UROC1: variants seen among roughly 807,000 people sequenced by gnomAD.
UROC1 encodes the protein urocanate hydratase 1.
Under a neutral mutation model 89.5 loss-of-function variants are expected in UROC1, and 79 were observed. The observed-to-expected ratio is 0.88, with a 90% CI of 0.74 to 1.06. The LOEUF is 1.06. Ranked by LOEUF, UROC1 falls within the 50% of genes least tolerant of loss-of-function variation. The pLI, the probability that UROC1 is intolerant of heterozygous loss-of-function variation, is 0.00. For synonymous variants in UROC1, 361 were observed against 354.8 expected (o/e 1.02, Z -0.20); for missense variants, 885 against 907.8 (o/e 0.97, Z 0.32).
At chr3:126,499,492 A>G (rs552904477) in intron 12 of UROC1, 83 bp from the exon 13 acceptor site, 224 of 1,365,766 alleles carry the variant, frequency 1.6e-4, no homozygotes, top group Middle Eastern at 3.5e-4. Context: ...CAGGGCCCAG[A>G]GGGAGGCTGG....
intron 9 of UROC1, among the ~76,000 whole-genome samples, chr3:126,503,494 C>G (rs1278252086): frequency 2.0e-5 from 3 of 152,244 alleles, no homozygotes; most frequent in Admixed American, 6.5e-5. Context: ...AACCCACCGA[C>G]TGCCCCTCAG....
At chr3:126,504,823 C>G (rs1296613237) in intron 8 of UROC1, among the ~76,000 whole-genome samples, 1 of 152,136 alleles carries the variant, frequency 6.6e-6, no homozygotes, top group African/African-American at 2.4e-5. Context: ...TTAGCACCCA[C>G]CAAAGAAAGA....
intron 1 of UROC1, among the ~76,000 whole-genome samples, chr3:126,512,936 G>A (rs1008781000): frequency 6.6e-6 from 1 of 152,180 alleles, no homozygotes; most frequent in Non-Finnish European, 1.5e-5. Flanking sequence ...GGAACTGCAG[G>A]AGAATAAATA....
chr3:126,501,365 G>A (rs1935919980), intron 9 of UROC1, 85 bp from the exon 10 acceptor site: 2 of 1,541,340 alleles, frequency 1.3e-6, no homozygotes, highest in Middle Eastern at 1.7e-4. Context: ...CTGCACACAG[G>A]GGCAGACCCA....
At chr3:126,515,312 T>C (rs1334766397) in intron 1 of UROC1, among the ~76,000 whole-genome samples, 6 of 151,826 alleles carry the variant, frequency 4.0e-5, no homozygotes, top group Non-Finnish European at 7.4e-5. Flanking sequence ...AACTGGGAGA[T>C]GGGCCAAGGG....
intron 15 of UROC1, among the ~76,000 whole-genome samples, chr3:126,495,641 T>G (rs1005479197): frequency 3.9e-5 from 6 of 152,238 alleles, no homozygotes; most frequent in African/African-American, 1.4e-4. Context: ...GAGTCCTTGC[T>G]TCCAATTTTT....
rs145948028 is a variant in UROC1 at position 126,507,778 on chromosome 3, G to A, written c.566C>T (p.Thr189Met). 445 of 1,614,136 alleles carry A rather than the reference G, an allele frequency of 2.8e-4. 2 individuals are homozygous for A. In the African/African-American group the frequency reaches 4.4e-3, roughly 16 times the overall value. The change falls in exon 6 of 20, where the codon ACG becomes ATG. Residue 189 changes from threonine (T) to methionine (M), a missense_variant. By Grantham distance (81) the Thr-to-Met change is moderately conservative. Transcript: ENST00000290868. ...GMVIPNYSSRTEYEKLFALGV... is the reference protein window; with the variant it reads ...GMVIPNYSSRMEYEKLFALGV... ...CAAGGCAAAGAGCTTCTCATACTCC[G>A]TCCGGGAGGAGTAGTTGGGAATGAC...
intron 1 of UROC1, among the ~76,000 whole-genome samples, chr3:126,515,581 C>G (rs1480205064): frequency 4.2e-5 from 5 of 119,070 alleles, no homozygotes; most frequent in Admixed American, 2.4e-4. Flanking sequence ...CCAGCACCCA[C>G]CACCTACCCT....
intron 13 of UROC1, among the ~76,000 whole-genome samples, chr3:126,498,735 G>A (rs1935842054): frequency 6.6e-6 from 1 of 152,174 alleles, no homozygotes; most frequent in Non-Finnish European, 1.5e-5. Flanking sequence ...GAGCTTGACA[G>A]TAAGTGGCAT....
At position 126,510,760 on chromosome 3, in the gene UROC1, G is replaced by T. The variant is rs758085216; in HGVS notation, c.161C>A (p.Pro54Gln). The change falls in exon 2 of 20, where the codon CCG (proline) becomes CAG (glutamine). Residue 54 changes from proline (P) to glutamine (Q), a missense_variant. By Grantham distance (76) the Pro-to-Gln change is moderately conservative. Coordinates refer to ENST00000290868, the MANE Select transcript of UROC1 (RefSeq NM_144639.3). ...ALRNALRYFP[P>Q]DVQELLAPEF... Reference sequence around the variant, plus strand: ...TGGGGCCAGCAGCTCCTGGACATCCGGGGGGAAGTAGCGCAGGGCGTTCCT... The same window carrying T: ...TGGGGCCAGCAGCTCCTGGACATCCTGGGGGAAGTAGCGCAGGGCGTTCCT... 4 of 1,613,610 alleles carry T rather than the reference G, an allele frequency of 2.5e-6. No individual in the cohort carries two copies. The highest frequency in any genetic ancestry group is 2.2e-5 in the East Asian group (1 of 44,886).
chr3:126,482,127 G>T lies in UROC1; in HGVS notation c.*218C>A. On this transcript the variant is annotated 3_prime_UTR_variant, in exon 20 of 20. Transcript: ENST00000290868. ...CAGCCTTCAGGGCTCCCATGCAAGTGGCATGGTTGTGGACAGAGAGCTGCA... is the reference window on the plus strand; with the variant it reads ...CAGCCTTCAGGGCTCCCATGCAAGTTGCATGGTTGTGGACAGAGAGCTGCA... 5 of 646,662 alleles carry T rather than the reference G, an allele frequency of 7.7e-6. No individual in the cohort carries two copies. In the South Asian group the frequency reaches 7.8e-5, roughly 10 times the overall value. 40.1% of individuals were successfully genotyped at this position (646,662 alleles called of 1,614,324 possible).
intron 17 of UROC1, among the ~76,000 whole-genome samples, chr3:126,488,584 T>C (rs1186968802): frequency 6.6e-6 from 1 of 152,170 alleles, no homozygotes; most frequent in Non-Finnish European, 1.5e-5. Flanking sequence ...ACAGTGTTAG[T>C]TCAGAGAAGT....
chr3:126,504,542 A>C (rs1454439074), intron 8 of UROC1, among the ~76,000 whole-genome samples: 1 of 152,206 alleles, frequency 6.6e-6, no homozygotes, highest in Non-Finnish European at 1.5e-5. Context: ...TTGTTTCTAC[A>C]AGGGAAGCCC....
At position 126,482,471 on chromosome 3, in the gene UROC1, G is replaced by A; in HGVS notation, c.1905C>T (p.Cys635=). ...CATAGGCCTTCTGGTTCCCTGACCAGCAGCGCCGGGCCACCTAGGGCAAGG... is the reference window on the plus strand; with the variant it reads ...CATAGGCCTTCTGGTTCCCTGACCAACAGCGCCGGGCCACCTAGGGCAAGG... ...WDVSNGVARR[C]WSGNQKAYEI... is the part of the protein sequence containing the mutation. Residue 635 remains cysteine, a synonymous_variant, in exon 20 of 20, where the codon TGC becomes TGT. Transcript: ENST00000290868. 1 of 1,613,974 alleles carries A rather than the reference G, an allele frequency of 6.2e-7. No homozygotes were observed. Among genetic ancestry groups the A allele is most frequent in the Non-Finnish European group, 8.5e-7 (1 of 1,180,000 alleles).
At chr3:126,495,920 C>T in intron 15 of UROC1, 118 bp downstream of exon 15, 1 of 1,002,238 alleles carries the variant, frequency 1.0e-6, no homozygotes, top group South Asian at 1.4e-5. Context: ...TGCACCCTCT[C>T]AGGGCTTGGC....
chr3:126,495,151 C>T (rs933711368), intron 15 of UROC1, among the ~76,000 whole-genome samples: 3 of 152,198 alleles, frequency 2.0e-5, no homozygotes, highest in Non-Finnish European at 2.9e-5. Context: ...CAACTCTAGT[C>T]GCTGCCCCAG....
intron 15 of UROC1, among the ~76,000 whole-genome samples, chr3:126,493,058 C>T (rs988711701): frequency 1.3e-5 from 2 of 152,168 alleles, no homozygotes; most frequent in Admixed American, 1.3e-4. Flanking sequence ...TGACCTTGGG[C>T]CCTCTGTCTG....
intron 6 of UROC1, among the ~76,000 whole-genome samples, chr3:126,507,177 G>A (rs946572050): frequency 1.3e-5 from 2 of 152,154 alleles, no homozygotes; most frequent in African/African-American, 4.8e-5. Flanking sequence ...CTGGGGCACT[G>A]GCCGCATTCT....
chr3:126,497,968 G>A, intron 14 of UROC1, 83 bp downstream of exon 14: 2 of 1,608,036 alleles, frequency 1.2e-6, no homozygotes, highest in Non-Finnish European at 8.5e-7. Flanking sequence ...AGCTAGGTGG[G>A]CCTGCTATAG....
Sources: gnomAD v4.1 joint callset for allele counts (sites outside exome capture counted in the v4.1 genomes callset) on GRCh38, gnomAD v4.1.1 for gene constraint, MANE v1.5 for transcripts, NCBI Gene and HGNC (gene_info 2026-07-23, HGNC 2026-07-21) for gene names.